The following MAP2K5 variants were observed in gnomAD, a reference collection of about 807,000 sequenced individuals.
MAP2K5 encodes the protein dual specificity mitogen-activated protein kinase kinase 5.
In MAP2K5, 49 loss-of-function variants were observed where a neutral mutation model predicts 83.1. The observed-to-expected ratio is 0.59, with a 90% confidence interval of 0.47 to 0.75. MAP2K5 has a LOEUF of 0.75. MAP2K5 is among the 30% of genes least tolerant of loss of function. MAP2K5 has a pLI of 0.00. For synonymous variants in MAP2K5, 202 were observed against 191.8 expected, an observed-to-expected ratio of 1.05 and a Z score of -0.44; for missense variants, 457 against 557.5, an observed-to-expected ratio of 0.82 and a Z score of 1.82.
chr15:67,592,166 T>TTAACA (rs1056305004), intron 6 of MAP2K5, among the ~76,000 whole-genome samples: 15 of 150,370 alleles, frequency 1.0e-4, no homozygotes, highest in East Asian at 1.9e-4. Flanking sequence ...CATATGAGTG[T>TTAACA]TAACATAGTC....
chr15:67,574,102 T>C (rs1439848527), intron 3 of MAP2K5, among the ~76,000 whole-genome samples: 1 of 152,204 alleles, frequency 6.6e-6, no homozygotes, highest in Non-Finnish European at 1.5e-5. Flanking sequence ...GAACCATCTC[T>C]TGGGGTATGG....
rs986367745 is a variant in MAP2K5, at chr15:67,572,134, A to G, written c.253-8620A>G. Among the ~76,000 whole-genome samples the G allele has an allele frequency of 6.6e-6, 1 of 152,212 alleles. No individual in the cohort carries two copies. The highest frequency in any genetic ancestry group is 1.5e-5 in the Non-Finnish European group (1 of 68,032). On this transcript the variant is annotated intron_variant, in intron 3 of 21. Coordinates refer to ENST00000178640, the MANE Select transcript of MAP2K5 (RefSeq NM_145160.3). This position sits in a 1 kb window ranked among gnomAD's most constrained non-coding sequence, Gnocchi z 4.2. ...AAGAGGGCAGTGTCCAGGTGGAGTA[A>G]GTTAGGACAAGGGGACTAGGAAGGA...
intron 11 of MAP2K5, among the ~76,000 whole-genome samples, chr15:67,656,441 C>T (rs533032289): frequency 6.6e-6 from 1 of 151,900 alleles, no homozygotes; most frequent in South Asian, 2.1e-4. Context: ...TCTCCTGCCT[C>T]AGCCTCCTGA....
chr15:67,769,680 A>T lies in MAP2K5; in HGVS notation c.1196+17A>T. On this transcript the variant is annotated intron_variant, in intron 20 of 21. Coordinates refer to ENST00000178640, the MANE Select transcript of MAP2K5 (RefSeq NM_145160.3). The surrounding 1 kb of genome is among the most constrained non-coding windows in gnomAD (Gnocchi z 5.2). ...CACTCAGTGGTGAGCCCGTTTACAAACATGCCATGCCCTCAATGTAAATGA... is the reference window on the plus strand; with the variant it reads ...CACTCAGTGGTGAGCCCGTTTACAATCATGCCATGCCCTCAATGTAAATGA... 3 of 1,613,064 alleles carry T rather than the reference A, an allele frequency of 1.9e-6. No individual in the cohort carries two copies. The highest frequency in any genetic ancestry group is 2.5e-6 in the Non-Finnish European group (3 of 1,179,254).
At chr15:67,729,688 C>T (rs534181243) in intron 17 of MAP2K5, among the ~76,000 whole-genome samples, 4 of 152,128 alleles carry the variant, frequency 2.6e-5, no homozygotes, top group Admixed American at 1.3e-4. Flanking sequence ...GGCTTGAACC[C>T]GGGAGGTGGA....
At chr15:67,664,721 T>A (rs980621460) in intron 13 of MAP2K5, 76 bp downstream of exon 13, 20 of 938,098 alleles carry the variant, frequency 2.1e-5, no homozygotes, top group African/African-American at 3.3e-5. Context: ...ATTTTTAAAG[T>A]AAGTGTTCTG....
rs1401641274 is a variant in MAP2K5, at chr15:67,587,338, C to T, written c.431+425C>T. On this transcript the variant is annotated intron_variant, in intron 6 of 21. Coordinates refer to ENST00000178640, the MANE Select transcript of MAP2K5 (RefSeq NM_145160.3). This position sits in a 1 kb window ranked among gnomAD's most constrained non-coding sequence, Gnocchi z 4.8. Reference sequence around the variant, plus strand: ...GACTTATCATGCGGGGCCTCGTAGGCCCTGTAATGTTTGAATTTTCCTTTT... The same window carrying T: ...GACTTATCATGCGGGGCCTCGTAGGTCCTGTAATGTTTGAATTTTCCTTTT... 6.6e-6 allele frequency among the ~76,000 whole-genome samples: 1 copy of T among 152,054 alleles called. No individual in the cohort carries two copies. The highest frequency in any genetic ancestry group is 2.4e-5 in the African/African-American group (1 of 41,402).
rs1189878894 is a variant in MAP2K5 at position 67,720,323 on chromosome 15, C to T, written c.1045-7593C>T. On this transcript the variant is annotated intron_variant, in intron 16 of 21. Transcript: ENST00000178640. The surrounding 1 kb of genome is among the most constrained non-coding windows in gnomAD (Gnocchi z 5.7). ...ATACATACACACACATATGCTTATA[C>T]ATACATAAGTATATACATATATATC... Among the ~76,000 whole-genome samples, 1 of 151,762 alleles carries T rather than the reference C, an allele frequency of 6.6e-6. No individual in the cohort carries two copies. The highest frequency in any genetic ancestry group is 6.6e-5 in the Admixed American group (1 of 15,222).
chr15:67,669,794 A>G (rs1223546913), intron 13 of MAP2K5, among the ~76,000 whole-genome samples: 1 of 5,578 alleles, frequency 1.8e-4, no homozygotes, highest in Admixed American at 5.4e-3. Flanking sequence ...AGAGATAACA[A>G]CAAAAAACCT....
At position 67,781,639 on chromosome 15, in the gene MAP2K5, T is replaced by C. The variant is rs993740835; in HGVS notation, c.1242+8887T>C. Among the ~76,000 whole-genome samples the C allele has an allele frequency of 2.0e-5, 3 of 152,224 alleles. No individual in the cohort carries two copies. The highest frequency in any genetic ancestry group is 7.2e-5 in the African/African-American group (3 of 41,456). On this transcript the variant is annotated intron_variant, in intron 21 of 21. Coordinates refer to ENST00000178640, the MANE Select transcript of MAP2K5 (RefSeq NM_145160.3). The surrounding 1 kb of genome is among the most constrained non-coding windows in gnomAD (Gnocchi z 4.0). ...GTTTACCGTTTCTCTGGTCTCTTCA[T>C]ATAAATGGTCACTGATTCTGAAGTA...
intron 19 of MAP2K5, among the ~76,000 whole-genome samples, chr15:67,762,173 G>C (rs2089961438): frequency 6.6e-6 from 1 of 152,226 alleles, no homozygotes. Flanking sequence ...AATGCATTGG[G>C]AGGCTGCAGA....
At chr15:67,628,754 C>T (rs954405946) in intron 8 of MAP2K5, 12 of 762,158 alleles carry the variant, frequency 1.6e-5, no homozygotes, top group Admixed American at 8.5e-5. Context: ...CCAAAGAGGT[C>T]GAAGTGGCTC....
chr15:67,549,199 C>T (rs1397600768), intron 1 of MAP2K5: 1 of 1,535,114 alleles, frequency 6.5e-7, no homozygotes, highest in African/African-American at 1.4e-5. Flanking sequence ...GGGTCACTTT[C>T]CCCAGAGCGT....
Position 67,775,858 on chromosome 15 carries a change from G to T in MAP2K5, c.1242+3106G>T, listed in dbSNP as rs1396919381. Among the ~76,000 whole-genome samples, 2 of 152,208 alleles carry T rather than the reference G, an allele frequency of 1.3e-5. No homozygotes were observed. The highest frequency in any genetic ancestry group is 4.8e-5 in the African/African-American group (2 of 41,444). On this transcript the variant is annotated intron_variant, in intron 21 of 21. Coordinates refer to ENST00000178640, the MANE Select transcript of MAP2K5 (RefSeq NM_145160.3). The surrounding 1 kb of genome is among the most constrained non-coding windows in gnomAD (Gnocchi z 5.3). ...TTCAGAGCAATGTGAAGCCTCTAGT[G>T]CCTGCTGGAACAGAAACCTCTTCAA... is the stretch of plus-strand genomic sequence containing the variant.
Position 67,543,188 on chromosome 15 carries a change from C to T in MAP2K5, c.-148C>T. 1.3e-6 allele frequency: 1 copy of T among 781,354 alleles called. No individual in the cohort carries two copies. 48.4% of individuals were successfully genotyped at this position (781,354 alleles called of 1,614,324 possible). A position where few individuals can be genotyped will look rare whatever the true frequency, so the allele number is the denominator to read the frequency against. On this transcript the variant is annotated 5_prime_UTR_variant, in exon 1 of 22. Transcript: ENST00000178640. The surrounding 1 kb of genome is among the most constrained non-coding windows in gnomAD (Gnocchi z 4.3). ...TGCGGGTGCGTTCCTGATCACCCCT[C>T]CCCTCTTCCCTCCCCCTCATCCTCC... is the stretch of plus-strand genomic sequence containing the variant.
chr15:67,784,970 T>A (rs2090392226), intron 21 of MAP2K5, among the ~76,000 whole-genome samples: 1 of 152,194 alleles, frequency 6.6e-6, no homozygotes, highest in Admixed American at 6.5e-5. Flanking sequence ...GACAGGGTCT[T>A]ACTGTGTCAC....
At chr15:67,597,988 T>C (rs2085564714) in intron 7 of MAP2K5, among the ~76,000 whole-genome samples, 2 of 152,296 alleles carry the variant, frequency 1.3e-5, no homozygotes, top group South Asian at 2.1e-4. Flanking sequence ...GCTGATCACC[T>C]GAGGTCAGGA....
chr15:67,745,069 A>G (rs1031061149), intron 17 of MAP2K5, among the ~76,000 whole-genome samples: 3 of 152,250 alleles, frequency 2.0e-5, no homozygotes, highest in Admixed American at 6.5e-5. Context: ...GAAGAGGTTC[A>G]TCTATCAAAA....
At chr15:67,761,920 A>G (rs1291402187) in intron 19 of MAP2K5, among the ~76,000 whole-genome samples, 3 of 152,238 alleles carry the variant, frequency 2.0e-5, no homozygotes, top group African/African-American at 7.2e-5. Flanking sequence ...TACTGGATCA[A>G]ACATGTATAG....
Sources: gnomAD v4.1 joint callset for allele counts (sites outside exome capture counted in the v4.1 genomes callset) on GRCh38, gnomAD v4.1.1 for gene constraint, Gnocchi (gnomAD v3.1) non-coding constraint, MANE v1.5 for transcripts, NCBI Gene and HGNC (gene_info 2026-07-23, HGNC 2026-07-21) for gene names.